DLC1: variants seen among roughly 807,000 people sequenced by gnomAD.
DLC1 encodes the protein rho GTPase-activating protein 7.
A neutral mutation model predicts 140.3 loss-of-function variants in DLC1; 54 were observed. That is an observed-to-expected ratio of 0.38 (90% CI 0.31 to 0.48). The LOEUF (loss-of-function observed/expected upper bound fraction) is 0.48. Among genes scored for constraint, DLC1 ranks in the 20% least tolerant of loss-of-function variants. DLC1 has a pLI of 0.96. For synonymous variants in DLC1, 986 were observed against 728.1 expected, an observed-to-expected ratio of 1.35 and a Z score of -5.70; for missense variants, 2,536 against 1,907.0, an observed-to-expected ratio of 1.33 and a Z score of -6.14.
intron 5 of DLC1, among the ~76,000 whole-genome samples, chr8:13,156,972 C>G (rs556262928): frequency 2.0e-5 from 3 of 152,202 alleles, no homozygotes; most frequent in Admixed American, 6.5e-5. Flanking sequence ...CCAGGATTAA[C>G]TGCAACGTCT....
intron 5 of DLC1, among the ~76,000 whole-genome samples, chr8:13,229,695 G>C (rs1166349116): frequency 6.6e-6 from 1 of 151,986 alleles, no homozygotes; most frequent in Non-Finnish European, 1.5e-5. Context: ...CTTTTTCTTG[G>C]ATTCTAAATT....
intron 1 of DLC1, among the ~76,000 whole-genome samples, chr8:13,598,711 T>C (rs1033906371): frequency 6.6e-6 from 1 of 152,050 alleles, no homozygotes; most frequent in Non-Finnish European, 1.5e-5. Flanking sequence ...GTAACTTTGC[T>C]TTAATAATTA....
intron 2 of DLC1, among the ~76,000 whole-genome samples, chr8:13,432,168 C>G (rs1235447166): frequency 6.6e-6 from 1 of 152,140 alleles, no homozygotes; most frequent in Non-Finnish European, 1.5e-5. Flanking sequence ...TATCTATTTT[C>G]ACACAAAGTA....
At chr8:13,552,480 C>G (rs555681375) in intron 1 of DLC1, among the ~76,000 whole-genome samples, 3 of 150,814 alleles carry the variant, frequency 2.0e-5, no homozygotes, top group East Asian at 2.0e-4. Flanking sequence ...ACTAGAAATT[C>G]TATCATTCCC....
chr8:13,457,248 C>T (rs1563364133), intron 2 of DLC1, among the ~76,000 whole-genome samples: 2 of 151,986 alleles, frequency 1.3e-5, no homozygotes, highest in Non-Finnish European at 2.9e-5. Flanking sequence ...AAGCCACTGT[C>T]TATTTTGTTG....
chr8:13,419,026 G>T (rs1838194842), intron 2 of DLC1, among the ~76,000 whole-genome samples: 1 of 150,634 alleles, frequency 6.6e-6, no homozygotes, highest in African/African-American at 2.4e-5. Flanking sequence ...GTCTGTTATT[G>T]GTGTATAAGA....
At chr8:13,441,696 A>G (rs1798516284) in intron 2 of DLC1, among the ~76,000 whole-genome samples, 1 of 152,158 alleles carries the variant, frequency 6.6e-6, no homozygotes, top group South Asian at 2.1e-4. Flanking sequence ...ACCACTGCTC[A>G]ATGAAATAAA....
At chr8:13,300,456 T>A (rs34156438) in intron 5 of DLC1, among the ~76,000 whole-genome samples, 51 of 152,260 alleles carry the variant, frequency 3.3e-4, no homozygotes, top group African/African-American at 1.2e-3. Flanking sequence ...TAAATCTACA[T>A]TGAACTTAAA....
At chr8:13,566,725 G>A (rs567110686) in intron 1 of DLC1, 2 of 472,282 alleles carry the variant, frequency 4.2e-6, no homozygotes, top group South Asian at 3.8e-5. Context: ...GCAGAAGACA[G>A]GGCAAAATCG....
At chr8:13,158,939 C>T (rs1157216627) in intron 5 of DLC1, among the ~76,000 whole-genome samples, 1 of 152,052 alleles carries the variant, frequency 6.6e-6, no homozygotes, top group Non-Finnish European at 1.5e-5. Flanking sequence ...GATGAGTGCC[C>T]TGAGCCCCTG....
chr8:13,191,373 G>A (rs1826743972), intron 5 of DLC1, among the ~76,000 whole-genome samples: 1 of 152,156 alleles, frequency 6.6e-6, no homozygotes, highest in Non-Finnish European at 1.5e-5. Flanking sequence ...CAGGCGTGGT[G>A]GCCTGGGCCT....
At chr8:13,512,238 G>GA (rs950683426) in intron 1 of DLC1, among the ~76,000 whole-genome samples, 28 of 150,504 alleles carry the variant, frequency 1.9e-4, no homozygotes, top group Admixed American at 4.6e-4. Context: ...CATGAAAATG[G>GA]AAAAAAAAAG....
chr8:13,327,798 G>A (rs991781905), intron 4 of DLC1, among the ~76,000 whole-genome samples: 1 of 152,224 alleles, frequency 6.6e-6, no homozygotes, highest in Non-Finnish European at 1.5e-5. Context: ...GGATGTCAAT[G>A]TTAAACAAAT....
chr8:13,412,458 G>A (rs891154674), intron 2 of DLC1, among the ~76,000 whole-genome samples: 2 of 151,978 alleles, frequency 1.3e-5, no homozygotes, highest in African/African-American at 4.8e-5. Flanking sequence ...TACTGTCTTC[G>A]TTGTGGCATT....
chr8:13,213,060 T>C (rs1282932526), intron 5 of DLC1, among the ~76,000 whole-genome samples: 2 of 152,228 alleles, frequency 1.3e-5, no homozygotes, highest in Non-Finnish European at 2.9e-5. Context: ...TGAAGACAGA[T>C]ATTAATGGAC....
chr8:13,296,397 C>G (rs1328966728), intron 5 of DLC1, among the ~76,000 whole-genome samples: 1 of 152,162 alleles, frequency 6.6e-6, no homozygotes, highest in Non-Finnish European at 1.5e-5. Flanking sequence ...AATGGCATTG[C>G]AAGCACTGAA....
intron 5 of DLC1, among the ~76,000 whole-genome samples, chr8:13,293,059 T>A (rs1831822848): frequency 6.6e-6 from 1 of 152,052 alleles, no homozygotes. Flanking sequence ...CCTGCCTCTA[T>A]GTTAAAAAAC....
chr8:13,383,680 A>T (rs962354149), intron 4 of DLC1, among the ~76,000 whole-genome samples: 1 of 152,162 alleles, frequency 6.6e-6, no homozygotes, highest in Non-Finnish European at 1.5e-5. Context: ...AGAAGATAAG[A>T]CAGTTTGACT....
intron 2 of DLC1, among the ~76,000 whole-genome samples, chr8:13,464,483 G>A (rs1453775349): frequency 6.6e-6 from 1 of 151,396 alleles, no homozygotes; most frequent in African/African-American, 2.4e-5. Flanking sequence ...CACATTAAAT[G>A]TTTCTCTTTT....
Sources: allele counts gnomAD v4.1 joint callset (sites outside exome capture counted in the v4.1 genomes callset), GRCh38; gene constraint gnomAD v4.1.1; transcripts MANE v1.5; gene names NCBI Gene and HGNC (gene_info 2026-07-23, HGNC 2026-07-21).